Variants in DACH2 observed in about 807,000 individuals in gnomAD.
The protein encoded by DACH2 is dachshund family transcription factor 2.
Under a neutral mutation model 35.8 loss-of-function variants are expected in DACH2, and 17 were observed. That is an observed-to-expected ratio of 0.48 (90% CI 0.33 to 0.71). The LOEUF (loss-of-function observed/expected upper bound fraction) is 0.71, where lower values mean the gene tolerates loss of function less well. Among genes scored for constraint, DACH2 ranks in the 30% least tolerant of loss-of-function variants. The probability of loss-of-function intolerance (pLI) is 0.02; values close to 1 mark genes in which losing one functional copy is unlikely to be tolerated. For missense variants in DACH2, 469 were observed against 472.7 expected, an observed-to-expected ratio of 0.99 and a Z score of 0.07; for synonymous variants, 195 against 177.3, an observed-to-expected ratio of 1.10 and a Z score of -0.79.
intron 1 of DACH2, among the ~76,000 whole-genome samples, chrX:86,238,036 C>T (rs2033091509): frequency 1.8e-5 from 2 of 112,288 alleles, no homozygotes; most frequent in South Asian, 7.2e-4. Context: ...AAAGCTCTTT[C>T]AACCCTGCCA....
rs762096543 is a variant in DACH2, at chrX:86,825,407, ACT to A, written c.1751-6696_1751-6695del. ...ACTCCAGCCTGTGCAACAGAGCAAG[ACT>A]CTGTCTCAGAAAAAAAAAAGGAAAA... is the stretch of plus-strand genomic sequence containing the variant. On this transcript the variant is annotated intron_variant, in intron 11 of 11. Transcript: ENST00000373125. 8.8e-3 allele frequency among the ~76,000 whole-genome samples: 855 copies of A among 97,309 alleles called. 5 individuals carry two copies. The highest frequency in any genetic ancestry group is 0.014 in the Non-Finnish European group (691 of 47,743). The allele number at this position is 97,309 out of a possible 115,157, so 84.5% of individuals were successfully genotyped here. A position where few individuals can be genotyped will look rare whatever the true frequency, so the allele number is the denominator to read the frequency against.
chrX:86,225,691 G>T (rs758757785), intron 1 of DACH2, among the ~76,000 whole-genome samples: 2 of 111,165 alleles, frequency 1.8e-5, no homozygotes, highest in East Asian at 5.7e-4. Flanking sequence ...TCCTTTGTAA[G>T]ATTTCATTCC....
chrX:86,703,293 C>A (rs147142450), intron 5 of DACH2, among the ~76,000 whole-genome samples: 3 of 111,085 alleles, frequency 2.7e-5, no homozygotes, highest in African/African-American at 9.8e-5. Context: ...CCATATATGA[C>A]AAACCAACAG....
chrX:86,804,355 G>A (rs1245507218), intron 7 of DACH2, among the ~76,000 whole-genome samples: 2 of 111,371 alleles, frequency 1.8e-5, no homozygotes, highest in Non-Finnish European at 3.8e-5. Flanking sequence ...CCAGGAGATG[G>A]TGCTAGACCG....
chrX:86,180,981 G>C (rs2031470261), intron 1 of DACH2, among the ~76,000 whole-genome samples: 1 of 110,437 alleles, frequency 9.1e-6, no homozygotes, highest in Non-Finnish European at 1.9e-5. Context: ...GAAGTGAAGG[G>C]TGAGTCCCTT....
intron 3 of DACH2, among the ~76,000 whole-genome samples, chrX:86,567,199 G>T (rs753975346): frequency 8.9e-6 from 1 of 112,030 alleles, no homozygotes; most frequent in Non-Finnish European, 1.9e-5. Flanking sequence ...ATGAATAAAT[G>T]ATTCACTTTA....
At chrX:86,737,318 A>T (rs780768391) in intron 6 of DACH2, among the ~76,000 whole-genome samples, 1 of 111,891 alleles carries the variant, frequency 8.9e-6, no homozygotes, top group African/African-American at 3.2e-5. Flanking sequence ...TAAATATAAA[A>T]GAAATGTATC....
chrX:86,412,170 G>C (rs1332880651), intron 2 of DACH2, among the ~76,000 whole-genome samples: 1 of 111,224 alleles, frequency 9.0e-6, no homozygotes, highest in Non-Finnish European at 1.9e-5. Flanking sequence ...TTAACTTCCA[G>C]TTCAATGGGA....
At chrX:86,254,792 A>ATATATATATATATC (rs2033475879) in intron 1 of DACH2, among the ~76,000 whole-genome samples, 1 of 67,355 alleles carries the variant, frequency 1.5e-5, no homozygotes, top group Non-Finnish European at 2.6e-5. Context: ...ATATATATAT[A>ATATATATATATATC]TATATATATA....
intron 7 of DACH2, among the ~76,000 whole-genome samples, chrX:86,763,459 T>C (rs1461155408): frequency 8.9e-6 from 1 of 112,113 alleles, no homozygotes; most frequent in Non-Finnish European, 1.9e-5. Flanking sequence ...TTACTTTTTT[T>C]TTGTTTTGTT....
chrX:86,344,694 C>T (rs1403921535), intron 1 of DACH2, among the ~76,000 whole-genome samples: 2 of 111,010 alleles, frequency 1.8e-5, no homozygotes, highest in Non-Finnish European at 3.8e-5. Context: ...TGCCTAAACA[C>T]CGCTTTTATT....
intron 1 of DACH2, among the ~76,000 whole-genome samples, chrX:86,350,253 A>G (rs1361978415): frequency 2.5e-5 from 1 of 40,209 alleles, no homozygotes; most frequent in Non-Finnish European, 4.2e-5. Flanking sequence ...GTTTGAGTTC[A>G]TTGTAGATTC....
intron 1 of DACH2, among the ~76,000 whole-genome samples, chrX:86,335,266 A>G (rs985960156): frequency 3.6e-5 from 4 of 110,082 alleles, no homozygotes; most frequent in African/African-American, 9.9e-5. Flanking sequence ...AATTTAAAGT[A>G]TTTTTTTTTC....
chrX:86,461,417 C>A (rs2037570705), intron 2 of DACH2, among the ~76,000 whole-genome samples: 1 of 111,113 alleles, frequency 9.0e-6, no homozygotes, highest in Non-Finnish European at 1.9e-5. Flanking sequence ...GATTCTCATT[C>A]TGACTCTACC....
chrX:86,543,147 G>C (rs773419191), intron 3 of DACH2, among the ~76,000 whole-genome samples: 6 of 111,259 alleles, frequency 5.4e-5, no homozygotes, highest in Non-Finnish European at 7.5e-5. Context: ...GAAAGAATGA[G>C]GACACAGAGG....
chrX:86,287,399 C>A (rs765190764), intron 1 of DACH2, among the ~76,000 whole-genome samples: 166 of 111,509 alleles, frequency 1.5e-3, no homozygotes, highest in Non-Finnish European at 2.5e-3. Flanking sequence ...TATTCTATAA[C>A]CTTCCTGTAC....
At chrX:86,279,099 G>A (rs1372723830) in intron 1 of DACH2, among the ~76,000 whole-genome samples, 2 of 111,963 alleles carry the variant, frequency 1.8e-5, no homozygotes, top group Non-Finnish European at 1.9e-5. Context: ...TGGGGGAAGG[G>A]GTGGCTGTGG....
intron 11 of DACH2, chrX:86,827,870 A>G: frequency 1.1e-6 from 1 of 942,001 alleles, no homozygotes; most frequent in Non-Finnish European, 1.5e-6. Context: ...TTCATACTCA[A>G]ATCCTTAAAA....
At chrX:86,451,742 G>T (rs2037381754) in intron 2 of DACH2, among the ~76,000 whole-genome samples, 1 of 110,806 alleles carries the variant, frequency 9.0e-6, no homozygotes, top group South Asian at 3.8e-4. Context: ...TTGAGCCGTG[G>T]TTTGTAGTTC....
Sources: gnomAD v4.1 joint callset for allele counts (sites outside exome capture counted in the v4.1 genomes callset) on GRCh38, gnomAD v4.1.1 for gene constraint, MANE v1.5 for transcripts, NCBI Gene and HGNC (gene_info 2026-07-23, HGNC 2026-07-21) for gene names.